NCALD: variants seen among roughly 807,000 people sequenced by gnomAD.
The protein encoded by NCALD is neurocalcin-delta.
Under a neutral mutation model 18.6 loss-of-function variants are expected in NCALD, and 10 were observed. The observed-to-expected ratio is 0.54, with a 90% CI of 0.33 to 0.91. The LOEUF (loss-of-function observed/expected upper bound fraction) is 0.91, where lower values mean the gene tolerates loss of function less well. NCALD is among the 40% of genes least tolerant of loss of function. NCALD has a pLI of 0.03. For missense variants in NCALD, 184 were observed against 247.6 expected (o/e 0.74, Z 1.72); for synonymous variants, 88 against 87.4 (o/e 1.01, Z -0.04).
At chr8:101,988,434 A>T (rs1444072539) in intron 2 of NCALD, among the ~76,000 whole-genome samples, 1 of 152,226 alleles carries the variant, frequency 6.6e-6, no homozygotes, top group Non-Finnish European at 1.5e-5. Context: ...CAGCTCTGTC[A>T]CTTACTGTAT....
At chr8:102,064,277 T>C (rs899245973) in intron 1 of NCALD, among the ~76,000 whole-genome samples, 1 of 152,132 alleles carries the variant, frequency 6.6e-6, no homozygotes, top group Non-Finnish European at 1.5e-5. Context: ...AATATCTACA[T>C]CAAGAGGAGA....
At chr8:101,692,422 C>T (rs1271737624) in intron 3 of NCALD, 1 of 985,284 alleles carries the variant, frequency 1.0e-6, no homozygotes, top group Admixed American at 6.2e-5. Context: ...TAACAACCCT[C>T]TCCCCATTTT....
At chr8:102,026,387 C>T (rs1178943068) in intron 1 of NCALD, among the ~76,000 whole-genome samples, 4 of 152,206 alleles carry the variant, frequency 2.6e-5, no homozygotes, top group African/African-American at 7.2e-5. Context: ...TGGGTAAATG[C>T]ACCCATTCCA....
intron 3 of NCALD, among the ~76,000 whole-genome samples, chr8:101,899,333 C>G (rs1817330736): frequency 6.6e-6 from 1 of 151,834 alleles, no homozygotes. Context: ...GTGTTGCCTG[C>G]AAATAGGAAT....
At chr8:101,875,248 A>C (rs1194798496) in intron 4 of NCALD, among the ~76,000 whole-genome samples, 1 of 152,248 alleles carries the variant, frequency 6.6e-6, no homozygotes, top group East Asian at 1.9e-4. Flanking sequence ...GGCAGAGTCC[A>C]GACACAGATG....
At chr8:101,794,788 A>G (rs1180298459), upstream of NCALD, among the ~76,000 whole-genome samples, 2 of 152,236 alleles carry the variant, frequency 1.3e-5, no homozygotes, top group Non-Finnish European at 2.9e-5. Flanking sequence ...GCCAGGATTT[A>G]TACTCAGGAA....
At chr8:102,083,969 G>A (rs1191501910) in intron 1 of NCALD, among the ~76,000 whole-genome samples, 1 of 152,198 alleles carries the variant, frequency 6.6e-6, no homozygotes, top group Non-Finnish European at 1.5e-5. Flanking sequence ...TTCAACAAAT[G>A]TAAAATGACA....
intron 1 of NCALD, among the ~76,000 whole-genome samples, chr8:102,102,773 T>C (rs1251123750): frequency 6.6e-6 from 1 of 151,938 alleles, no homozygotes; most frequent in East Asian, 1.9e-4. Context: ...GAAAGTTTAA[T>C]GGCAAGATCA....
At chr8:101,862,084 A>G (rs1815566503) in intron 4 of NCALD, among the ~76,000 whole-genome samples, 1 of 152,234 alleles carries the variant, frequency 6.6e-6, no homozygotes, top group African/African-American at 2.4e-5. Context: ...GTTGCATTCC[A>G]TGATACCACC....
At chr8:101,808,160 A>G (rs1162359117) in intron 4 of NCALD, among the ~76,000 whole-genome samples, 1 of 152,196 alleles carries the variant, frequency 6.6e-6, no homozygotes, top group East Asian at 1.9e-4. Context: ...AAGATACCTT[A>G]GTGGTCACCC....
chr8:101,725,902 T>C (rs1430700852), intron 1 of NCALD, among the ~76,000 whole-genome samples: 1 of 150,100 alleles, frequency 6.7e-6, no homozygotes, highest in Non-Finnish European at 1.5e-5. Flanking sequence ...GAGAAGGGAG[T>C]TGTGGAATGC....
At chr8:102,003,461 G>C (rs11896358) in intron 2 of NCALD, among the ~76,000 whole-genome samples, 1 of 152,132 alleles carries the variant, frequency 6.6e-6, no homozygotes, top group Non-Finnish European at 1.5e-5. Flanking sequence ...ACAAGGAGGA[G>C]CAGGTACCAT....
chr8:101,743,774 C>G (rs563552049), intron 1 of NCALD, among the ~76,000 whole-genome samples: 1 of 152,232 alleles, frequency 6.6e-6, no homozygotes, highest in East Asian at 1.9e-4. Context: ...TAAAAATGTC[C>G]TGAGGATGAG....
At chr8:102,001,438 C>T (rs968774455) in intron 2 of NCALD, among the ~76,000 whole-genome samples, 15 of 152,170 alleles carry the variant, frequency 9.9e-5, no homozygotes, top group East Asian at 9.6e-4. Flanking sequence ...TGGAACCAAG[C>T]TGGAAAACAC....
At chr8:102,025,715 A>G (rs1381331308) in intron 1 of NCALD, among the ~76,000 whole-genome samples, 1 of 152,178 alleles carries the variant, frequency 6.6e-6, no homozygotes, top group Non-Finnish European at 1.5e-5. Context: ...ATCATGTTAT[A>G]TCTTTGAGGC....
intron 1 of NCALD, among the ~76,000 whole-genome samples, chr8:102,108,558 C>T (rs559666881): frequency 1.1e-3 from 165 of 152,306 alleles, no homozygotes; most frequent in Non-Finnish European, 1.6e-3. Flanking sequence ...ACCAAGGCAG[C>T]CGAGTAGATG....
In NCALD at chr8:101,777,654, A is replaced by G. The variant is rs188801011; in HGVS notation, c.-20+13208T>C. On this transcript the variant is annotated intron_variant, in intron 1 of 3. Coordinates refer to ENST00000220931, the MANE Select transcript of NCALD (RefSeq NM_032041.3). ...TACCATGGCCTCGTGCCAATCATAC[A>G]TCAGCACACTGGGGCAGCCACTCTG... is the stretch of plus-strand genomic sequence containing the variant. Among the ~76,000 whole-genome samples, 102 of 152,322 alleles carry G rather than the reference A, an allele frequency of 6.7e-4. 1 individual carries two copies. Among genetic ancestry groups the G allele is most frequent in the African/African-American group, 2.1e-3 (88 of 41,582 alleles).
At chr8:102,017,440 G>A (rs1170651008) in intron 2 of NCALD, among the ~76,000 whole-genome samples, 5 of 152,120 alleles carry the variant, frequency 3.3e-5, no homozygotes, top group African/African-American at 7.2e-5. Flanking sequence ...CAGGCTGAGC[G>A]CGGTGGCTCA....
intron 1 of NCALD, among the ~76,000 whole-genome samples, chr8:102,117,878 G>A (rs1026264211): frequency 2.6e-5 from 4 of 152,160 alleles, no homozygotes; most frequent in African/African-American, 7.2e-5. Flanking sequence ...TGGGGAAAAC[G>A]TAACCTTCCA....
Sources: allele counts gnomAD v4.1 joint callset (sites outside exome capture counted in the v4.1 genomes callset), GRCh38; gene constraint gnomAD v4.1.1; transcripts MANE v1.5; gene names NCBI Gene and HGNC (gene_info 2026-07-23, HGNC 2026-07-21).